The following NDUFA12 variants were observed in gnomAD, a reference collection of about 807,000 sequenced individuals.
NDUFA12 encodes NADH dehydrogenase [ubiquinone] 1 alpha subcomplex subunit 12.
In NDUFA12, 17 loss-of-function variants were observed where a neutral mutation model predicts 20.3. The observed-to-expected ratio is 0.84, with a 90% CI of 0.57 to 1.26. The LOEUF (loss-of-function observed/expected upper bound fraction) is 1.26. NDUFA12 is among the 50% of genes most tolerant of loss of function. The pLI is 0.00. For synonymous variants in NDUFA12, 72 were observed against 63.6 expected, an observed-to-expected ratio of 1.13 and a Z score of -0.63; for missense variants, 191 against 183.7, an observed-to-expected ratio of 1.04 and a Z score of -0.23.
rs1874339989 is a variant in NDUFA12 at position 94,984,379 on chromosome 12, T to C, written c.257+9791A>G. On this transcript the variant is annotated intron_variant, in intron 3 of 3. Transcript: ENST00000327772. Reference sequence around the variant, plus strand: ...GGCTCATGCCTGTAATCCCAGCACTTTGGGAGGCCAAGGTGGGTGAATCAC... The same window carrying C: ...GGCTCATGCCTGTAATCCCAGCACTCTGGGAGGCCAAGGTGGGTGAATCAC... 2.0e-5 allele frequency among the ~76,000 whole-genome samples: 3 copies of C among 151,876 alleles called. No homozygotes were observed. The South Asian group carries it at 6.2e-4, about 32-fold the overall frequency.
chr12:94,985,007 A>ATAAAATAAC (rs756547609), intron 3 of NDUFA12, among the ~76,000 whole-genome samples: 60,147 of 146,966 alleles, frequency 0.41, 13,177 homozygotes, highest in East Asian at 0.58. Context: ...CATAACATAA[A>ATAAAATAAC]ATAAGATAAA....
chr12:94,982,677 A>G (rs936049396), intron 3 of NDUFA12, among the ~76,000 whole-genome samples: 2 of 152,068 alleles, frequency 1.3e-5, no homozygotes, highest in Admixed American at 6.5e-5. Flanking sequence ...TTTACGCTCC[A>G]CCAGAGCCAA....
Position 95,003,654 on chromosome 12 carries a change from G to C in NDUFA12, c.27C>G (p.Arg9=). ...CGTGGCCGGTGATCTGCTGCAGCCCGCGTTTCAGGACCTGCACTAACTCCA... is the reference window on the plus strand; with the variant it reads ...CGTGGCCGGTGATCTGCTGCAGCCCCCGTTTCAGGACCTGCACTAACTCCA... MELVQVLK[R]GLQQITGHGG... is the part of the protein sequence containing the mutation. The change falls in exon 1 of 4, where the codon CGC becomes CGG. Residue 9 remains arginine (R), a synonymous_variant. Coordinates refer to ENST00000327772, the MANE Select transcript of NDUFA12 (RefSeq NM_018838.5). The C allele has an allele frequency of 6.2e-7, 1 of 1,614,122 alleles. No homozygotes were observed. The highest frequency in any genetic ancestry group is 1.3e-5 in the African/African-American group (1 of 75,040).
intron 2 of NDUFA12, among the ~76,000 whole-genome samples, chr12:95,000,106 A>C (rs928610815): frequency 1.3e-5 from 2 of 152,240 alleles, no homozygotes; most frequent in Non-Finnish European, 2.9e-5. Flanking sequence ...GTGGATAAAG[A>C]AAATGTGGTA....
rs181938689 is a variant in NDUFA12 at position 94,995,493 on chromosome 12, T to A, written c.170-1236A>T. ...TCTCTGTATTTCTTGAAATGTTAAA[T>A]GCCTATTCTCAGACTCAGAAATTCA... On this transcript the variant is annotated intron_variant, in intron 2 of 3. Transcript: ENST00000327772. Among the ~76,000 whole-genome samples, 242 of 152,296 alleles carry A rather than the reference T, an allele frequency of 1.6e-3. 1 individual carries two copies. The highest frequency in any genetic ancestry group is 5.6e-3 in the African/African-American group (231 of 41,566).
chr12:95,000,469 A>T (rs1372300490), intron 2 of NDUFA12, among the ~76,000 whole-genome samples: 1 of 152,260 alleles, frequency 6.6e-6, no homozygotes, highest in Non-Finnish European at 1.5e-5. Flanking sequence ...AAAACAAAAA[A>T]TGAATAGAAT....
chr12:94,979,203 T>C (rs1874156576), intron 3 of NDUFA12, among the ~76,000 whole-genome samples: 1 of 151,992 alleles, frequency 6.6e-6, no homozygotes, highest in Non-Finnish European at 1.5e-5. Context: ...ATAGCTCCTG[T>C]ACTCCATCCT....
chr12:94,995,950 T>G (rs1160702662), intron 2 of NDUFA12, among the ~76,000 whole-genome samples: 1 of 151,914 alleles, frequency 6.6e-6, no homozygotes, highest in African/African-American at 2.4e-5. Flanking sequence ...GGCTCACTTC[T>G]TAATCCCAGG....
chr12:94,988,468 C>G (rs1177590754), intron 3 of NDUFA12, among the ~76,000 whole-genome samples: 1 of 152,202 alleles, frequency 6.6e-6, no homozygotes, highest in Non-Finnish European at 1.5e-5. Flanking sequence ...AGATCACACC[C>G]TATCTTACCT....
At chr12:94,983,108 C>G (rs1874296696) in intron 3 of NDUFA12, among the ~76,000 whole-genome samples, 1 of 152,126 alleles carries the variant, frequency 6.6e-6, no homozygotes, top group Admixed American at 6.5e-5. Flanking sequence ...CCACTCTTCC[C>G]TATCTCAGTA....
intron 3 of NDUFA12, chr12:94,972,479 C>A: frequency 2.2e-6 from 1 of 453,836 alleles, no homozygotes. Context: ...AGTTTAAAAC[C>A]CATGAGGCTC....
chr12:94,976,340 A>G (rs77601348), intron 3 of NDUFA12, among the ~76,000 whole-genome samples: 5,364 of 152,288 alleles, frequency 0.035, 130 homozygotes, highest in Middle Eastern at 0.085. Context: ...AAGAATATAT[A>G]TGCATAGAAA....
intron 3 of NDUFA12, among the ~76,000 whole-genome samples, chr12:94,979,861 A>C (rs1874182035): frequency 6.6e-6 from 1 of 151,938 alleles, no homozygotes; most frequent in Non-Finnish European, 1.5e-5. Context: ...GATTAATGGA[A>C]CTATGTCCAA....
chr12:94,992,727 AC>A (rs978335148), intron 3 of NDUFA12, among the ~76,000 whole-genome samples: 1 of 152,012 alleles, frequency 6.6e-6, no homozygotes, highest in Non-Finnish European at 1.5e-5. Context: ...GCCCAACTAT[AC>A]CCCCAGCTGA....
chr12:94,985,007 A>AAAATAAC (rs1874375808), intron 3 of NDUFA12, among the ~76,000 whole-genome samples: 1 of 147,258 alleles, frequency 6.8e-6, no homozygotes, highest in Non-Finnish European at 1.5e-5. Flanking sequence ...CATAACATAA[A>AAAATAAC]ATAAGATAAA....
rs543856156 is a variant in NDUFA12 at position 94,996,865 on chromosome 12, G to A, written c.170-2608C>T. The A allele has an allele frequency of 6.4e-4, 168 of 263,926 alleles. 4 individuals carry two copies. Among genetic ancestry groups the A allele is most frequent in the South Asian group, 4.5e-3 (123 of 27,100 alleles). The allele number at this position is 263,926 out of a possible 1,614,324, so 16.3% of individuals were successfully genotyped here. On this transcript the variant is annotated intron_variant, in intron 2 of 3. Coordinates refer to ENST00000327772, the MANE Select transcript of NDUFA12 (RefSeq NM_018838.5). ...AGAAAGGAAAGAATGTAATATTATA[G>A]TTTGTAACAATACAGTGAGAAGTAG... is the stretch of plus-strand genomic sequence containing the variant.
chr12:95,003,307 T>C (rs895332575), intron 1 of NDUFA12, among the ~76,000 whole-genome samples: 1 of 152,152 alleles, frequency 6.6e-6, no homozygotes, highest in African/African-American at 2.4e-5. Context: ...CCAGGGTCAC[T>C]GAGTTAATGT....
intron 2 of NDUFA12, among the ~76,000 whole-genome samples, chr12:95,001,857 A>T (rs920397511): frequency 2.0e-5 from 3 of 151,876 alleles, no homozygotes; most frequent in Non-Finnish European, 4.4e-5. Context: ...GGCACACGCC[A>T]CCACATCCAG....
chr12:94,971,413 G>C lies in NDUFA12; in HGVS notation c.*27C>G, dbSNP rs767982830. On this transcript the variant is annotated 3_prime_UTR_variant, in exon 4 of 4. Coordinates refer to ENST00000327772, the MANE Select transcript of NDUFA12 (RefSeq NM_018838.5). ...AATTACATGAAAAGCTCCATATTTT[G>C]CATGTTTCAACTGTTCTTCATTGTC... 2.1e-5 allele frequency: 34 copies of C among 1,599,884 alleles called. No individual in the cohort carries two copies. The highest frequency in any genetic ancestry group is 2.8e-5 in the Non-Finnish European group (33 of 1,167,222).
Sources: gnomAD v4.1 joint callset for allele counts (sites outside exome capture counted in the v4.1 genomes callset) on GRCh38, gnomAD v4.1.1 for gene constraint, MANE v1.5 for transcripts, NCBI Gene and HGNC (gene_info 2026-07-23, HGNC 2026-07-21) for gene names.